Variants in EEF1AKMT1 observed in about 807,000 individuals in gnomAD.
EEF1AKMT1 encodes the protein EEF1A lysine methyltransferase 1, also known as N-6 adenine-specific DNA methyltransferase 2 (putative).
A neutral mutation model predicts 21.0 loss-of-function variants in EEF1AKMT1; 18 were observed. The ratio of observed to expected loss-of-function variants is 0.86; its 90% CI spans 0.59 to 1.27. EEF1AKMT1 has a LOEUF of 1.27. EEF1AKMT1 is among the 50% of genes most tolerant of loss of function. The pLI, the probability that EEF1AKMT1 is intolerant of heterozygous loss-of-function variation, is 0.00. For synonymous variants in EEF1AKMT1, 109 were observed against 94.8 expected, an observed-to-expected ratio of 1.15 and a Z score of -0.87; for missense variants, 246 against 258.6, an observed-to-expected ratio of 0.95 and a Z score of 0.33.
At chr13:20,736,087 CAT>C (rs2058824276) in intron 3 of EEF1AKMT1, among the ~76,000 whole-genome samples, 2 of 152,210 alleles carry the variant, frequency 1.3e-5, no homozygotes, top group South Asian at 2.1e-4. Context: ...AACTGAAGGA[CAT>C]GTGTGTTGAG....
In EEF1AKMT1 at chr13:20,748,729, T is replaced by G. The variant is rs1331629511; in HGVS notation, c.144+8726A>C. ...AATGTATAGTTGTTTTTTTTTGGTT[T>G]TTTTTTTTTTTTTTTTTTGAGACAG... On this transcript the variant is annotated intron_variant, in intron 2 of 4. Coordinates refer to ENST00000382758, the MANE Select transcript of EEF1AKMT1 (RefSeq NM_001318939.2). 6.2e-3 allele frequency among the ~76,000 whole-genome samples: 789 copies of G among 126,880 alleles called. 21 individuals are homozygous for G. In the South Asian group the frequency reaches 0.077, roughly 12 times the overall value. The allele number at this position is 126,880 out of a possible 152,430, so 83.2% of individuals were successfully genotyped here. A position where few individuals can be genotyped will look rare whatever the true frequency, so the allele number is the denominator to read the frequency against.
chr13:20,734,542 A>C (rs1435614866), intron 3 of EEF1AKMT1, among the ~76,000 whole-genome samples: 6 of 152,150 alleles, frequency 3.9e-5, no homozygotes, highest in Non-Finnish European at 2.9e-5. Flanking sequence ...CACAGTAAGC[A>C]CTCAATAAAT....
chr13:20,761,830 A>G, intron 1 of EEF1AKMT1, among the ~76,000 whole-genome samples: 1 of 152,228 alleles, frequency 6.6e-6, no homozygotes, highest in East Asian at 1.9e-4. Context: ...CATACAATTC[A>G]TCTATTTAAA....
In EEF1AKMT1 at chr13:20,733,986, G is replaced by A. The variant is rs78830624; in HGVS notation, c.228-1865C>T. On this transcript the variant is annotated intron_variant, in intron 3 of 4. Coordinates refer to ENST00000382758, the MANE Select transcript of EEF1AKMT1 (RefSeq NM_001318939.2). ...AATAGAACCCGTGACATCGCATAAT[G>A]TTTCTTTGGAAACATGTGTTTCCCT... is the stretch of plus-strand genomic sequence containing the variant. Among the ~76,000 whole-genome samples the A allele has an allele frequency of 9.8e-3, 1,485 of 152,226 alleles. 21 individuals carry two copies. The highest frequency in any genetic ancestry group is 0.034 in the African/African-American group (1,429 of 41,536).
intron 1 of EEF1AKMT1, among the ~76,000 whole-genome samples, chr13:20,767,940 CCA>C (rs1342488084): frequency 6.6e-6 from 1 of 152,198 alleles, no homozygotes; most frequent in African/African-American, 2.4e-5. Flanking sequence ...GTAATTTTCA[CCA>C]CAGACATTTC....
chr13:20,737,501 A>G (rs1273278331), intron 3 of EEF1AKMT1, among the ~76,000 whole-genome samples: 2 of 152,272 alleles, frequency 1.3e-5, no homozygotes, highest in African/African-American at 4.8e-5. Context: ...GAAACAGGTT[A>G]GAAAATGTTA....
At chr13:20,769,076 T>C (rs2059050601) in intron 1 of EEF1AKMT1, 1 of 151,966 alleles carries the variant, frequency 6.6e-6, no homozygotes, top group Non-Finnish European at 1.5e-5. Context: ...AAAACAGACA[T>C]TCTATGGTTG....
Position 20,757,546 on chromosome 13 carries a change from G to A in EEF1AKMT1, c.53C>T (p.Ala18Val), listed in dbSNP as rs200834598. Residue 18 changes from alanine to valine, a missense_variant, in exon 2 of 5, where the codon GCA (alanine) becomes GTA (valine). Transcript: ENST00000382758. ...CTCAGCATAAAATTCCTGGAGAGCTGCTAAGGCATGGGCAGAAAGCTGGGG... is the reference window on the plus strand; with the variant it reads ...CTCAGCATAAAATTCCTGGAGAGCTACTAAGGCATGGGCAGAAAGCTGGGG... ...ETPQLSAHAL[A>V]ALQEFYAEQK... The A allele has an allele frequency of 7.9e-5, 127 of 1,614,034 alleles. No homozygotes were observed. Among genetic ancestry groups the A allele is most frequent in the Non-Finnish European group, 2.1e-5 (25 of 1,180,018 alleles).
intron 1 of EEF1AKMT1, among the ~76,000 whole-genome samples, chr13:20,767,263 G>A (rs1341620275): frequency 8.0e-6 from 1 of 125,076 alleles, no homozygotes; most frequent in Admixed American, 1.1e-4. Context: ...CCTAGATCTT[G>A]CCACTGCACT....
intron 1 of EEF1AKMT1, among the ~76,000 whole-genome samples, chr13:20,771,624 T>C (rs1382103454): frequency 2.0e-5 from 3 of 152,208 alleles, no homozygotes; most frequent in Admixed American, 6.5e-5. Context: ...TTAGGAATCG[T>C]AGAAGTTTCC....
intron 2 of EEF1AKMT1, among the ~76,000 whole-genome samples, chr13:20,745,501 T>C (rs2058898367): frequency 6.6e-6 from 1 of 152,166 alleles, no homozygotes; most frequent in Non-Finnish European, 1.5e-5. Flanking sequence ...TATTGGACCT[T>C]TTAAAAGGTT....
At chr13:20,750,132 GA>G (rs1297137128) in intron 2 of EEF1AKMT1, among the ~76,000 whole-genome samples, 2 of 152,134 alleles carry the variant, frequency 1.3e-5, no homozygotes, top group African/African-American at 4.8e-5. Context: ...TACATGCACA[GA>G]ATGTGTAATG....
intron 1 of EEF1AKMT1, among the ~76,000 whole-genome samples, chr13:20,770,988 C>T (rs780875261): frequency 6.6e-6 from 1 of 151,824 alleles, no homozygotes; most frequent in Non-Finnish European, 1.5e-5. Flanking sequence ...CAAGCAATTA[C>T]CCCAGCTCAG....
chr13:20,738,902 G>A (rs2058846680), intron 2 of EEF1AKMT1, among the ~76,000 whole-genome samples: 1 of 149,404 alleles, frequency 6.7e-6, no homozygotes, highest in African/African-American at 2.6e-5. Context: ...AATTGACTGT[G>A]GTGATAGTTG....
intron 2 of EEF1AKMT1, among the ~76,000 whole-genome samples, chr13:20,745,588 C>T (rs570786877): frequency 2.2e-4 from 33 of 152,230 alleles, no homozygotes; most frequent in Middle Eastern, 3.4e-3. Context: ...CGGTGGCTTA[C>T]GCCTGTAATC....
At chr13:20,765,401 T>A (rs1468417570) in intron 1 of EEF1AKMT1, among the ~76,000 whole-genome samples, 1 of 135,808 alleles carries the variant, frequency 7.4e-6, no homozygotes, top group Non-Finnish European at 1.5e-5. Flanking sequence ...GTTTCTTCCC[T>A]TGGGTTTTTT....
At chr13:20,747,842 TCTCA>T (rs1343098576) in intron 2 of EEF1AKMT1, 1 of 166,298 alleles carries the variant, frequency 6.0e-6, no homozygotes, top group Non-Finnish European at 1.4e-5. Flanking sequence ...AATAGCCATC[TCTCA>T]CTCCACCAAA....
intron 2 of EEF1AKMT1, among the ~76,000 whole-genome samples, chr13:20,748,433 C>CAA (rs544169414): frequency 1.7e-4 from 19 of 111,004 alleles, no homozygotes; most frequent in South Asian, 1.4e-3. Flanking sequence ...AGACTCCGTC[C>CAA]AAAAAAAAAA....
At chr13:20,748,293 G>C (rs548263687) in intron 2 of EEF1AKMT1, among the ~76,000 whole-genome samples, 1 of 152,032 alleles carries the variant, frequency 6.6e-6, no homozygotes, top group Non-Finnish European at 1.5e-5. Flanking sequence ...GAAATTAGCC[G>C]GGCATGGTGG....
Sources: allele counts gnomAD v4.1 joint callset (sites outside exome capture counted in the v4.1 genomes callset), GRCh38; gene constraint gnomAD v4.1.1; transcripts MANE v1.5; gene names NCBI Gene and HGNC (gene_info 2026-07-23, HGNC 2026-07-21).